Variants in SPECC1 observed in about 807,000 individuals in gnomAD.
SPECC1 encodes sperm antigen with calponin homology and coiled-coil domains 1, also known as cytospin-B.
A neutral mutation model predicts 104.1 loss-of-function variants in SPECC1; 62 were observed. The observed-to-expected ratio is 0.60, with a 90% CI of 0.49 to 0.74. SPECC1 has a LOEUF of 0.74. SPECC1 is among the 30% of genes least tolerant of loss of function. The pLI, the probability that SPECC1 is intolerant of heterozygous loss-of-function variation, is 0.00. For missense variants in SPECC1, 1,306 were observed against 1,310.5 expected (o/e 1.00, Z 0.05); for synonymous variants, 513 against 501.6 (o/e 1.02, Z -0.30).
intron 14 of SPECC1, among the ~76,000 whole-genome samples, chr17:20,309,668 C>T (rs1215775644): frequency 1.3e-5 from 2 of 152,112 alleles, no homozygotes; most frequent in Non-Finnish European, 2.9e-5. Flanking sequence ...TCTGTTTGTG[C>T]ATTAGTTTGC....
chr17:20,096,520 C>T (rs2047650533), intron 1 of SPECC1, 111 bp from the exon 2 acceptor site: 1 of 1,248,896 alleles, frequency 8.0e-7, no homozygotes, highest in Non-Finnish European at 1.1e-6. Context: ...CATAGGTGCT[C>T]CTACTCTGTG....
intron 1 of SPECC1, among the ~76,000 whole-genome samples, chr17:20,089,954 G>T (rs555862231): frequency 6.6e-6 from 1 of 152,276 alleles, no homozygotes; most frequent in East Asian, 1.9e-4. Flanking sequence ...GGTTATTCAG[G>T]GTTTGTTCTG....
chr17:20,260,552 C>T (rs775758640), intron 12 of SPECC1, among the ~76,000 whole-genome samples: 2 of 152,226 alleles, frequency 1.3e-5, no homozygotes, highest in Non-Finnish European at 2.9e-5. Context: ...CTGCACCTCC[C>T]GAGGGAAGGG....
chr17:20,158,108 C>T (rs2032771893), intron 3 of SPECC1, among the ~76,000 whole-genome samples: 2 of 152,170 alleles, frequency 1.3e-5, no homozygotes, highest in African/African-American at 4.8e-5. Flanking sequence ...CGTGGGTTTT[C>T]AGTCGGCTTT....
intron 7 of SPECC1, among the ~76,000 whole-genome samples, chr17:20,233,727 G>A (rs1431601500): frequency 6.6e-6 from 1 of 152,180 alleles, no homozygotes; most frequent in Non-Finnish European, 1.5e-5. Context: ...TTTAAGTGGA[G>A]GTAGAGGGAG....
At position 20,023,905 on chromosome 17, in the gene SPECC1, T is replaced by A. The variant is rs535364355; in HGVS notation, c.-22+14481T>A. Among the ~76,000 whole-genome samples, 11 of 151,984 alleles carry A rather than the reference T, an allele frequency of 7.2e-5. No individual in the cohort carries two copies. The South Asian group carries it at 2.1e-3, about 29-fold the overall frequency. Reference sequence around the variant, plus strand: ...TATGGATACTGGGGGTTGGAAATTTTAAAAAAATGAAAAAAAGAACAGTAT... The same window carrying A: ...TATGGATACTGGGGGTTGGAAATTTAAAAAAAATGAAAAAAAGAACAGTAT... On this transcript the variant is annotated intron_variant, in intron 1 of 14. Coordinates refer to ENST00000395527, the MANE Select transcript of SPECC1 (RefSeq NM_001243439.2).
intron 2 of SPECC1, among the ~76,000 whole-genome samples, chr17:20,105,452 C>T (rs1026263505): frequency 3.9e-5 from 6 of 152,176 alleles, no homozygotes; most frequent in African/African-American, 1.4e-4. Context: ...ACTCCCTGGG[C>T]TGCCTCCTTC....
intron 4 of SPECC1, among the ~76,000 whole-genome samples, chr17:20,207,441 T>G (rs1258410679): frequency 6.6e-6 from 1 of 152,200 alleles, no homozygotes; most frequent in Non-Finnish European, 1.5e-5. Flanking sequence ...TTTTTTTACT[T>G]TAAGATTACT....
intron 9 of SPECC1, among the ~76,000 whole-genome samples, chr17:20,251,436 T>C (rs1294718641): frequency 6.6e-6 from 1 of 152,124 alleles, no homozygotes; most frequent in African/African-American, 2.4e-5. Context: ...GGATTGTGAA[T>C]GGGATAGGAA....
At chr17:20,306,585 CTA>C (rs889118401) in intron 14 of SPECC1, among the ~76,000 whole-genome samples, 82 of 152,358 alleles carry the variant, frequency 5.4e-4, no homozygotes, top group African/African-American at 1.9e-3. Context: ...GCAGAAATCT[CTA>C]AAACTCCACC....
intron 3 of SPECC1, among the ~76,000 whole-genome samples, chr17:20,121,974 A>G (rs148203880): frequency 2.0e-5 from 3 of 152,262 alleles, no homozygotes; most frequent in African/African-American, 7.2e-5. Context: ...CAAAAGGACT[A>G]TATGAGTGAG....
In SPECC1 at chr17:20,204,751, G is replaced by C; in HGVS notation, c.702G>C (p.Lys234Asn). The C allele has an allele frequency of 1.2e-6, 2 of 1,614,106 alleles. No individual in the cohort carries two copies. The highest frequency in any genetic ancestry group is 1.7e-6 in the Non-Finnish European group (2 of 1,180,024). Reference protein sequence around the residue: ...PMIRALEEKNKNFQKELSDLE... With the variant: ...PMIRALEEKNNNFQKELSDLE... ...TAAGAGCTCTTGAGGAGAAGAACAA[G>C]AACTTTCAGAAAGAGCTTTCCGATC... The change falls in exon 4 of 15, where the codon AAG becomes AAC. Residue 234 changes from lysine to asparagine, a missense_variant. Around this residue, in one of 2 missense-constraint regions of SPECC1, gnomAD observed 1,177 missense variants for 1,139.9 expected, o/e 1.03. Coordinates refer to ENST00000395527, the MANE Select transcript of SPECC1 (RefSeq NM_001243439.2).
At chr17:20,200,211 C>T (rs1028308325) in intron 3 of SPECC1, among the ~76,000 whole-genome samples, 1 of 152,200 alleles carries the variant, frequency 6.6e-6, no homozygotes, top group South Asian at 2.1e-4. Context: ...ACATTACTCA[C>T]AGACCAACCA....
In SPECC1 at chr17:20,232,146, C is replaced by T. The variant is rs1598044443; in HGVS notation, c.2146-54C>T. 8 of 1,594,872 alleles carry T rather than the reference C, an allele frequency of 5.0e-6. No homozygotes were observed. The Admixed American group carries it at 1.3e-4, about 27-fold the overall frequency. Reference sequence around the variant, plus strand: ...ACACGGGGACTCTGGGGTCCCTGCCCAGGCACTGGCCCTGGCAGGCGTCTG... The same window carrying T: ...ACACGGGGACTCTGGGGTCCCTGCCTAGGCACTGGCCCTGGCAGGCGTCTG... On this transcript the variant is annotated intron_variant, in intron 6 of 14. Transcript: ENST00000395527.
intron 12 of SPECC1, among the ~76,000 whole-genome samples, chr17:20,287,290 G>T (rs914184950): frequency 6.6e-6 from 1 of 151,812 alleles, no homozygotes; most frequent in East Asian, 1.9e-4. Flanking sequence ...GGTGGCGGGC[G>T]CCTGTAGTCC....
rs2038636349 is a variant in SPECC1 at position 20,232,280 on chromosome 17, C to A, written c.2226C>A (p.Ala742=). The change falls in exon 7 of 15, where the codon GCC becomes GCA. Residue 742 remains alanine, a synonymous_variant. Coordinates refer to ENST00000395527, the MANE Select transcript of SPECC1 (RefSeq NM_001243439.2). ...TGGCCAATGACATCAAGTGTGAGGCCCAGCAGGAGCTGCGCACCGTGAAGA... is the reference window on the plus strand; with the variant it reads ...TGGCCAATGACATCAAGTGTGAGGCACAGCAGGAGCTGCGCACCGTGAAGA... ...VVVANDIKCE[A]QQELRTVKRK... is the part of the protein sequence containing the mutation. 1 of 1,613,982 alleles carries A rather than the reference C, an allele frequency of 6.2e-7. No individual in the cohort carries two copies. The highest frequency in any genetic ancestry group is 1.3e-5 in the African/African-American group (1 of 74,890).
intron 1 of SPECC1, among the ~76,000 whole-genome samples, chr17:20,076,869 G>A (rs11654707): frequency 0.028 from 4,310 of 152,280 alleles, 98 homozygotes; most frequent in Non-Finnish European, 0.044. Context: ...CCAGCCGACA[G>A]TATCACAGGG....
chr17:20,165,043 A>T (rs2033527919), intron 3 of SPECC1, among the ~76,000 whole-genome samples: 1 of 152,180 alleles, frequency 6.6e-6, no homozygotes, highest in Non-Finnish European at 1.5e-5. Context: ...AATTTATTTT[A>T]AAAAGTTAAA....
At chr17:20,225,519 G>C (rs1263251521) in intron 4 of SPECC1, among the ~76,000 whole-genome samples, 4 of 152,170 alleles carry the variant, frequency 2.6e-5, no homozygotes, top group Non-Finnish European at 5.9e-5. Context: ...GTCCTGTGTT[G>C]CTTTCTGCTG....
Sources: allele counts gnomAD v4.1 joint callset (sites outside exome capture counted in the v4.1 genomes callset), GRCh38; gene constraint gnomAD v4.1.1; regional missense constraint gnomAD v4.1.1; transcripts MANE v1.5; gene names NCBI Gene and HGNC (gene_info 2026-07-23, HGNC 2026-07-21).